Variants in DLG2 observed in about 807,000 individuals in gnomAD.
The protein encoded by DLG2 is disks large homolog 2.
Under a neutral mutation model 132.5 loss-of-function variants are expected in DLG2, and 45 were observed. The observed-to-expected ratio is 0.34, with a 90% CI of 0.27 to 0.44. The LOEUF is 0.44. Ranked by LOEUF, DLG2 falls within the 20% of genes least tolerant of loss-of-function variation. The pLI is 1.00. For synonymous variants in DLG2, 424 were observed against 419.6 expected, an observed-to-expected ratio of 1.01 and a Z score of -0.13; for missense variants, 1,045 against 1,196.9, an observed-to-expected ratio of 0.87 and a Z score of 1.87.
At chr11:84,990,502 T>A (rs1054002376) in intron 6 of DLG2, among the ~76,000 whole-genome samples, 4 of 152,128 alleles carry the variant, frequency 2.6e-5, no homozygotes, top group African/African-American at 9.7e-5. Context: ...CCAAATCTGC[T>A]GATACCATGC....
chr11:84,595,407 C>T (rs919826138), intron 6 of DLG2, among the ~76,000 whole-genome samples: 2 of 151,918 alleles, frequency 1.3e-5, no homozygotes, highest in Non-Finnish European at 2.9e-5. Flanking sequence ...GCCACTGCAC[C>T]TGGCCTGGCA....
intron 3 of DLG2, among the ~76,000 whole-genome samples, chr11:85,442,371 A>G (rs984455385): frequency 6.6e-6 from 1 of 152,208 alleles, no homozygotes; most frequent in African/African-American, 2.4e-5. Flanking sequence ...TGGCATATAC[A>G]AGAAGTATAA....
rs58193099 is a variant in DLG2 at position 84,760,295 on chromosome 11, G to A, written c.358-225564C>T. On this transcript the variant is annotated intron_variant, in intron 6 of 27. Transcript: ENST00000376104. ...CAAGCAAACTCACTGTTTTGATAAAGGTTCGGCTTTAGCCTTCTGAGTCTT... is the reference window on the plus strand; with the variant it reads ...CAAGCAAACTCACTGTTTTGATAAAAGTTCGGCTTTAGCCTTCTGAGTCTT... 5.2e-3 allele frequency among the ~76,000 whole-genome samples: 799 copies of A among 152,322 alleles called. 9 individuals carry two copies. The highest frequency in any genetic ancestry group is 0.018 in the African/African-American group (768 of 41,576).
intron 4 of DLG2, among the ~76,000 whole-genome samples, chr11:85,265,118 C>G (rs1301482916): frequency 6.6e-6 from 1 of 152,168 alleles, no homozygotes; most frequent in Non-Finnish European, 1.5e-5. Flanking sequence ...CAATATTTTT[C>G]TTAAGATGCC....
chr11:83,481,560 C>T (rs1026668575), intron 22 of DLG2, among the ~76,000 whole-genome samples: 7 of 152,046 alleles, frequency 4.6e-5, no homozygotes, highest in African/African-American at 1.7e-4. Context: ...AGTTTTAAAG[C>T]ATGAAACTAA....
chr11:83,511,584 A>C (rs2095034462), intron 21 of DLG2, among the ~76,000 whole-genome samples: 1 of 152,090 alleles, frequency 6.6e-6, no homozygotes, highest in East Asian at 1.9e-4. Flanking sequence ...ATGGTTAATA[A>C]ATGATAAGTA....
At chr11:83,508,206 TA>T (rs1418138903) in intron 21 of DLG2, among the ~76,000 whole-genome samples, 1 of 151,860 alleles carries the variant, frequency 6.6e-6, no homozygotes, top group East Asian at 1.9e-4. Context: ...TGTTCTTTGA[TA>T]ACTCAAATTG....
At chr11:84,230,181 C>T (rs1036980237) in intron 8 of DLG2, among the ~76,000 whole-genome samples, 2 of 152,122 alleles carry the variant, frequency 1.3e-5, no homozygotes, top group South Asian at 4.1e-4. Flanking sequence ...TCTTCATCTA[C>T]CTTTTTCATT....
chr11:85,412,513 G>A (rs1164453684), intron 3 of DLG2, among the ~76,000 whole-genome samples: 2 of 151,234 alleles, frequency 1.3e-5, no homozygotes, highest in Admixed American at 6.6e-5. Context: ...TTTTATCCTC[G>A]CCCCTTTCCA....
chr11:85,387,426 T>A (rs971669590), intron 3 of DLG2, among the ~76,000 whole-genome samples: 15 of 152,184 alleles, frequency 9.9e-5, no homozygotes, highest in South Asian at 2.1e-4. Flanking sequence ...CAGTGTTTGT[T>A]TTACCATTTA....
At chr11:84,327,748 A>G (rs780688294) in intron 7 of DLG2, among the ~76,000 whole-genome samples, 1 of 152,138 alleles carries the variant, frequency 6.6e-6, no homozygotes, top group African/African-American at 2.4e-5. Flanking sequence ...GATTTTACAA[A>G]TTACGTCTTT....
At chr11:84,463,109 T>C (rs2154486304) in intron 7 of DLG2, among the ~76,000 whole-genome samples, 1 of 151,278 alleles carries the variant, frequency 6.6e-6, no homozygotes, top group Admixed American at 6.6e-5. Flanking sequence ...ACAATCTGGA[T>C]CTGAGAGAGG....
intron 6 of DLG2, among the ~76,000 whole-genome samples, chr11:84,611,536 C>T (rs1593728689): frequency 6.6e-6 from 1 of 152,114 alleles, no homozygotes; most frequent in East Asian, 1.9e-4. Context: ...AGACTCTTGA[C>T]TTTACCACTC....
At position 83,874,445 on chromosome 11, in the gene DLG2, G is replaced by T; in HGVS notation, c.1540C>A (p.Leu514Ile). 6.2e-7 allele frequency: 1 copy of T among 1,601,238 alleles called. No homozygotes were observed. The highest frequency in any genetic ancestry group is 8.5e-7 in the Non-Finnish European group (1 of 1,172,240). ...CCTTCCAGGGAGACGGCCCGTTGGA[G>T]AGTCATTGAAGGCTGACGAGTTGCG... ...STATRQPSMTLQRAVSLEGEP... is the reference protein window; with the variant it reads ...STATRQPSMTIQRAVSLEGEP... Residue 514 changes from leucine (L) to isoleucine (I), a missense_variant, in exon 16 of 28, where the codon CTC (leucine) becomes ATC (isoleucine). Physicochemically the swap from Leu to Ile is conservative, Grantham distance 5 (BLOSUM62 2). Coordinates refer to ENST00000376104, the MANE Select transcript of DLG2 (RefSeq NM_001142699.3).
At chr11:84,893,937 C>T (rs953395543) in intron 6 of DLG2, among the ~76,000 whole-genome samples, 1 of 152,188 alleles carries the variant, frequency 6.6e-6, no homozygotes, top group East Asian at 1.9e-4. Context: ...TTTATGACCT[C>T]GCTGGATATT....
At chr11:83,523,768 C>T (rs1348604620) in intron 21 of DLG2, among the ~76,000 whole-genome samples, 3 of 152,160 alleles carry the variant, frequency 2.0e-5, no homozygotes, top group Admixed American at 2.0e-4. Flanking sequence ...CTAGAAATTC[C>T]TGTAGGTAGC....
At chr11:83,870,180 A>G (rs2063160664) in intron 16 of DLG2, among the ~76,000 whole-genome samples, 1 of 152,204 alleles carries the variant, frequency 6.6e-6, no homozygotes, top group Admixed American at 6.5e-5. Context: ...ATTTTGTCAC[A>G]TGGCCATATT....
intron 7 of DLG2, among the ~76,000 whole-genome samples, chr11:84,523,760 A>G (rs974424389): frequency 1.3e-5 from 2 of 152,230 alleles, no homozygotes; most frequent in African/African-American, 2.4e-5. Context: ...AGTTTTGAGA[A>G]AAATTTCTGT....
chr11:84,999,002 G>A (rs2057961067), intron 6 of DLG2, among the ~76,000 whole-genome samples: 1 of 151,244 alleles, frequency 6.6e-6, no homozygotes, highest in South Asian at 2.1e-4. Context: ...TTATTTCTAA[G>A]TGTTTGGAGT....
Sources: allele counts gnomAD v4.1 joint callset (sites outside exome capture counted in the v4.1 genomes callset), GRCh38; gene constraint gnomAD v4.1.1; transcripts MANE v1.5; gene names NCBI Gene and HGNC (gene_info 2026-07-23, HGNC 2026-07-21).